ECH1: variants seen among roughly 807,000 people sequenced by gnomAD.
ECH1 encodes the protein enoyl-CoA hydratase 1, also known as delta(3,5)-Delta(2,4)-dienoyl-CoA isomerase, mitochondrial.
In ECH1, 30 loss-of-function variants were observed where a neutral mutation model predicts 37.0. The ratio of observed to expected loss-of-function variants is 0.81; its 90% CI spans 0.61 to 1.10. The LOEUF (loss-of-function observed/expected upper bound fraction) is 1.10. ECH1 is among the 50% of genes least tolerant of loss of function. The pLI, the probability that ECH1 is intolerant of heterozygous loss-of-function variation, is 0.00. For missense variants in ECH1, 456 were observed against 441.6 expected (o/e 1.03, Z -0.29); for synonymous variants, 178 against 176.0 (o/e 1.01, Z -0.09).
intron 8 of ECH1, 127 bp downstream of exon 8, chr19:38,816,156 GA>G: frequency 1.4e-6 from 2 of 1,476,094 alleles, no homozygotes; most frequent in Non-Finnish European, 1.8e-6. Context: ...CCACAATAAA[GA>G]AATGAGCTCA....
chr19:38,822,400 T>C (rs1217466242), intron 3 of ECH1, among the ~76,000 whole-genome samples: 2 of 150,736 alleles, frequency 1.3e-5, no homozygotes, highest in Non-Finnish European at 2.9e-5. Flanking sequence ...GCACTCTGTG[T>C]CTAGCTCAAG....
intron 3 of ECH1, among the ~76,000 whole-genome samples, chr19:38,828,955 A>G (rs1971777227): frequency 6.6e-6 from 1 of 150,802 alleles, no homozygotes; most frequent in African/African-American, 2.4e-5. Context: ...CATTATAACT[A>G]TGCTCAATGG....
rs375332852 is a variant in ECH1, at chr19:38,815,892, G to A, written c.847C>T (p.Arg283Cys). The A allele has an allele frequency of 2.5e-4, 411 of 1,614,166 alleles. 3 individuals are homozygous for A. In the South Asian group the frequency reaches 4.0e-3, roughly 16 times the overall value. Residue 283 changes from arginine (R) to cysteine (C), a missense_variant, in exon 9 of 10, where the codon CGC becomes TGC. Transcript: ENST00000221418. ...AGGCTCTCGGCCACCGAATGGTCGC[G>A]GGAATACAGCAGGTTGACCTTGGTG... Reference protein sequence around the residue: ...QSTKVNLLYSRDHSVAESLNY... With the variant: ...QSTKVNLLYSCDHSVAESLNY...
Position 38,831,724 on chromosome 19 carries a change from G to C in ECH1, c.49C>G (p.Arg17Gly). Residue 17 changes from arginine (R) to glycine (G), a missense_variant, in exon 1 of 10, where the codon CGG (arginine) becomes GGG (glycine). By Grantham distance (125) the Arg-to-Gly change is moderately radical. Coordinates refer to ENST00000221418, the MANE Select transcript of ECH1 (RefSeq NM_001398.3). ...ASRRLRDLLT[R>G]RLTGSNYPGL... The stretch of plus-strand genomic sequence containing the variant: ...CATAAGGCAAGAGGTGACTCACGCC[G>C]GGTCAGTAGGTCGCGGAGTCTGCGA... 2 of 1,613,738 alleles carry C rather than the reference G, an allele frequency of 1.2e-6. No homozygotes were observed. Among genetic ancestry groups the C allele is most frequent in the South Asian group, 1.1e-5 (1 of 90,998 alleles).
At chr19:38,831,545 C>A (rs765246860) in intron 1 of ECH1, 29 bp from the exon 2 acceptor site, 4 of 1,595,974 alleles carry the variant, frequency 2.5e-6, no homozygotes, top group African/African-American at 2.7e-5. Context: ...CCTTTGATGA[C>A]CCCAGACTGC....
intron 3 of ECH1, chr19:38,819,345 A>G (rs1029329707): frequency 7.2e-6 from 4 of 557,690 alleles, no homozygotes; most frequent in Non-Finnish European, 9.1e-6. Context: ...GCTATAGCTC[A>G]AAGGTCACCT....
rs571732821 is a variant in ECH1 at position 38,819,579 on chromosome 19, C to G, written c.350-2004G>C. On this transcript the variant is annotated intron_variant, in intron 3 of 9. Transcript: ENST00000221418. Reference sequence around the variant, plus strand: ...GGCCTAGCACAGGGCCTGGCGCACACGAGCTGCTCAATAAATGATCAATAC... The same window carrying G: ...GGCCTAGCACAGGGCCTGGCGCACAGGAGCTGCTCAATAAATGATCAATAC... 2.0e-5 allele frequency among the ~76,000 whole-genome samples: 3 copies of G among 152,190 alleles called. No homozygotes were observed. The East Asian group carries it at 5.8e-4, about 29-fold the overall frequency.
At chr19:38,830,314 G>C (rs1388262900) in intron 3 of ECH1, among the ~76,000 whole-genome samples, 1 of 152,162 alleles carries the variant, frequency 6.6e-6, no homozygotes, top group Non-Finnish European at 1.5e-5. Flanking sequence ...GAGTTGAATA[G>C]TTGCACGAAA....
intron 3 of ECH1, among the ~76,000 whole-genome samples, chr19:38,828,406 A>G (rs1193610392): frequency 6.6e-6 from 1 of 151,172 alleles, no homozygotes; most frequent in Non-Finnish European, 1.5e-5. Flanking sequence ...AAATTTTTGT[A>G]TTTTTAGTAC....
chr19:38,815,607 G>T lies in ECH1; in HGVS notation c.*6C>A, dbSNP rs762465287. On this transcript the variant is annotated 3_prime_UTR_variant, in exon 10 of 10. Transcript: ENST00000221418. ...CCCCTGGCTGGGGCCTGGGACGCGAGGGCTCTCAGAGCTTGGAGAAGGTGA... is the reference window on the plus strand; with the variant it reads ...CCCCTGGCTGGGGCCTGGGACGCGATGGCTCTCAGAGCTTGGAGAAGGTGA... 11 of 1,613,994 alleles carry T rather than the reference G, an allele frequency of 6.8e-6. No homozygotes were observed. The highest frequency in any genetic ancestry group is 1.3e-5 in the African/African-American group (1 of 74,948).
chr19:38,825,653 A>C (rs187145596), intron 3 of ECH1, among the ~76,000 whole-genome samples: 5 of 152,334 alleles, frequency 3.3e-5, no homozygotes, highest in African/African-American at 7.2e-5. Flanking sequence ...AGCCTTAGTT[A>C]TGGCCCTCAG....
At chr19:38,817,883 C>A in intron 3 of ECH1, 1 of 385,142 alleles carries the variant, frequency 2.6e-6, no homozygotes, top group Admixed American at 6.4e-5. Flanking sequence ...AAGGGGGTCA[C>A]ACTGGCTGGT....
intron 6 of ECH1, 179 bp downstream of exon 6, chr19:38,816,886 C>T: frequency 5.4e-6 from 4 of 734,676 alleles, no homozygotes; most frequent in South Asian, 1.8e-5. Context: ...ACCTGCCAGC[C>T]TCAACCCCAC....
At chr19:38,824,455 C>T (rs1343163958) in intron 3 of ECH1, among the ~76,000 whole-genome samples, 1 of 151,840 alleles carries the variant, frequency 6.6e-6, no homozygotes, top group African/African-American at 2.4e-5. Flanking sequence ...AAACATTCAG[C>T]CATCAACAGG....
At chr19:38,825,841 G>T (rs895011069) in intron 3 of ECH1, among the ~76,000 whole-genome samples, 1 of 152,206 alleles carries the variant, frequency 6.6e-6, no homozygotes, top group African/African-American at 2.4e-5. Flanking sequence ...CTGCCCCAGC[G>T]GACGAAGGTT....
chr19:38,816,381 G>A (rs1600009833), intron 7 of ECH1, 26 bp from the exon 8 acceptor site: 1 of 1,613,942 alleles, frequency 6.2e-7, no homozygotes, highest in Non-Finnish European at 8.5e-7. Flanking sequence ...TGCATCAGGA[G>A]GCGGCTGCCA....
intron 3 of ECH1, among the ~76,000 whole-genome samples, chr19:38,827,799 TG>T (rs1299926318): frequency 2.0e-5 from 3 of 152,256 alleles, no homozygotes; most frequent in Admixed American, 6.5e-5. Context: ...CCAGAGTAGC[TG>T]GGAGTGTGGT....
At chr19:38,824,514 AAC>A (rs922357865) in intron 3 of ECH1, among the ~76,000 whole-genome samples, 4 of 152,156 alleles carry the variant, frequency 2.6e-5, no homozygotes, top group Non-Finnish European at 4.4e-5. Context: ...TTGACCCATA[AAC>A]CCTGAAAAAG....
chr19:38,826,141 C>G (rs1021231495), intron 3 of ECH1, among the ~76,000 whole-genome samples: 1 of 152,178 alleles, frequency 6.6e-6, no homozygotes, highest in Non-Finnish European at 1.5e-5. Flanking sequence ...TTTTCACATG[C>G]CTTTCTTATT....
Sources: gnomAD v4.1 joint callset for allele counts (sites outside exome capture counted in the v4.1 genomes callset) on GRCh38, gnomAD v4.1.1 for gene constraint, MANE v1.5 for transcripts, NCBI Gene and HGNC (gene_info 2026-07-23, HGNC 2026-07-21) for gene names.